The following FHIT variants were observed in gnomAD, a reference collection of about 807,000 sequenced individuals.
FHIT encodes the protein fragile histidine triad diadenosine triphosphatase, also known as bis(5'-adenosyl)-triphosphatase.
In FHIT, 19 loss-of-function variants were observed where a neutral mutation model predicts 17.9. The observed-to-expected ratio is 1.06, with a 90% CI of 0.74 to 1.56. The LOEUF (loss-of-function observed/expected upper bound fraction) is 1.56, where lower values mean the gene tolerates loss of function less well. Among genes scored for constraint, FHIT ranks in the 40% most tolerant of loss-of-function variants. FHIT has a pLI of 0.00. For synonymous variants in FHIT, 81 were observed against 69.7 expected, an observed-to-expected ratio of 1.16 and a Z score of -0.81; for missense variants, 248 against 189.2, an observed-to-expected ratio of 1.31 and a Z score of -1.82.
intron 3 of FHIT, among the ~76,000 whole-genome samples, chr3:60,865,709 T>G (rs1423778223): frequency 6.6e-6 from 1 of 152,148 alleles, no homozygotes; most frequent in Admixed American, 6.6e-5. Context: ...CATGACTCCC[T>G]GTGAGATAGG....
intron 4 of FHIT, among the ~76,000 whole-genome samples, chr3:60,788,733 CAA>C (rs1274269227): frequency 6.6e-6 from 1 of 152,048 alleles, no homozygotes; most frequent in Non-Finnish European, 1.5e-5. Flanking sequence ...ACACTTCATG[CAA>C]ATAAATACAT....
At chr3:60,839,341 T>G (rs1559761581) in intron 3 of FHIT, among the ~76,000 whole-genome samples, 1 of 152,122 alleles carries the variant, frequency 6.6e-6, no homozygotes, top group Non-Finnish European at 1.5e-5. Flanking sequence ...GCCGATTCCC[T>G]GCCTTCTACA....
intron 5 of FHIT, among the ~76,000 whole-genome samples, chr3:60,106,573 G>T (rs555749375): frequency 1.3e-5 from 2 of 152,266 alleles, no homozygotes; most frequent in African/African-American, 4.8e-5. Flanking sequence ...CACCCACTGG[G>T]GGTCTTTGAT....
intron 5 of FHIT, among the ~76,000 whole-genome samples, chr3:60,299,467 A>G (rs1398760231): frequency 1.3e-5 from 2 of 152,150 alleles, no homozygotes; most frequent in African/African-American, 4.8e-5. Flanking sequence ...TATTTGAAAG[A>G]CATTTTCACT....
At chr3:60,322,095 A>T (rs1451555335) in intron 5 of FHIT, among the ~76,000 whole-genome samples, 1 of 152,172 alleles carries the variant, frequency 6.6e-6, no homozygotes, top group African/African-American at 2.4e-5. Context: ...TTCAAGAAAC[A>T]CATTTGTCCA....
intron 4 of FHIT, among the ~76,000 whole-genome samples, chr3:60,746,373 C>A (rs892258724): frequency 6.6e-6 from 1 of 152,190 alleles, no homozygotes; most frequent in African/African-American, 2.4e-5. Context: ...TGGATGAACA[C>A]ATTTATTTTG....
intron 5 of FHIT, among the ~76,000 whole-genome samples, chr3:60,347,323 G>A (rs1710831352): frequency 6.6e-6 from 1 of 152,018 alleles, no homozygotes; most frequent in Non-Finnish European, 1.5e-5. Context: ...ATATTTCAAA[G>A]GAGTCATTAG....
chr3:60,873,091 T>G (rs534732762), intron 3 of FHIT, among the ~76,000 whole-genome samples: 55 of 152,130 alleles, frequency 3.6e-4, no homozygotes, highest in African/African-American at 1.2e-3. Context: ...GTTTTTTGTC[T>G]GTTTTTGTTT....
chr3:60,487,784 G>A (rs867521956), intron 5 of FHIT, among the ~76,000 whole-genome samples: 9 of 152,274 alleles, frequency 5.9e-5, no homozygotes, highest in Middle Eastern at 3.4e-3. Context: ...CAGAGATGAT[G>A]AAGTCTTTAA....
chr3:60,108,529 C>A (rs1046901797), intron 5 of FHIT, among the ~76,000 whole-genome samples: 8 of 152,120 alleles, frequency 5.3e-5, no homozygotes, highest in African/African-American at 1.4e-4. Context: ...GGGAAATGAC[C>A]AGCTCCTGCT....
At chr3:60,281,537 T>A (rs180916581) in intron 5 of FHIT, among the ~76,000 whole-genome samples, 79 of 146,432 alleles carry the variant, frequency 5.4e-4, no homozygotes, top group African/African-American at 2.0e-3. Flanking sequence ...AATACAAACA[T>A]AAACAACTTG....
intron 7 of FHIT, among the ~76,000 whole-genome samples, chr3:59,963,888 G>A: frequency 6.6e-6 from 1 of 152,174 alleles, no homozygotes; most frequent in Non-Finnish European, 1.5e-5. Context: ...AATGTTGGAT[G>A]TAAACTAATA....
chr3:60,253,488 A>T (rs560103231), intron 5 of FHIT, among the ~76,000 whole-genome samples: 1 of 152,336 alleles, frequency 6.6e-6, no homozygotes, highest in African/African-American at 2.4e-5. Flanking sequence ...TCAAATGTCT[A>T]TAGATAGTCA....
At chr3:61,096,614 G>A (rs1452366731) in intron 2 of FHIT, among the ~76,000 whole-genome samples, 3 of 152,192 alleles carry the variant, frequency 2.0e-5, no homozygotes, top group Admixed American at 6.5e-5. Context: ...TCCTGTGGAG[G>A]AAGCCTGGGC....
intron 4 of FHIT, among the ~76,000 whole-genome samples, chr3:60,602,512 G>A (rs924176426): frequency 5.9e-5 from 8 of 135,998 alleles, no homozygotes; most frequent in East Asian, 3.1e-4. Context: ...CCTTCTTGGA[G>A]AGAAAAAAAA....
intron 8 of FHIT, among the ~76,000 whole-genome samples, chr3:59,826,668 C>T (rs980567444): frequency 2.0e-5 from 3 of 152,268 alleles, no homozygotes; most frequent in African/African-American, 7.2e-5. Flanking sequence ...GAGTCTCATA[C>T]ACGGGAGTCT....
chr3:60,448,957 C>A (rs1451304751), intron 5 of FHIT, among the ~76,000 whole-genome samples: 3 of 152,136 alleles, frequency 2.0e-5, no homozygotes, highest in Non-Finnish European at 4.4e-5. Context: ...AGTGCTTTTC[C>A]TCCAAGTAAT....
rs566571690 is a variant in FHIT at position 60,934,160 on chromosome 3, G to A, written c.-111+107887C>T. Among the ~76,000 whole-genome samples the A allele has an allele frequency of 3.9e-5, 6 of 152,250 alleles. No homozygotes were observed. In the South Asian group the frequency reaches 1.0e-3, roughly 26 times the overall value. ...TAAGTACGTTGGTTACCCAGATGAG[G>A]CTGGGAGAGGTGAGATCAGAGAAAT... On this transcript the variant is annotated intron_variant, in intron 3 of 9. Coordinates refer to ENST00000492590, the MANE Select transcript of FHIT (RefSeq NM_002012.4).
chr3:61,082,536 G>A (rs1015704249), intron 2 of FHIT, among the ~76,000 whole-genome samples: 2 of 152,008 alleles, frequency 1.3e-5, no homozygotes, highest in Admixed American at 6.5e-5. Context: ...ATGGAGCTAC[G>A]AACATTCTCA....
Sources: allele counts gnomAD v4.1 joint callset (sites outside exome capture counted in the v4.1 genomes callset), GRCh38; gene constraint gnomAD v4.1.1; transcripts MANE v1.5; gene names NCBI Gene and HGNC (gene_info 2026-07-23, HGNC 2026-07-21).